PLEKHA1: variants seen among roughly 807,000 people sequenced by gnomAD.
The protein encoded by PLEKHA1 is pleckstrin homology domain containing A1.
Under a neutral mutation model 52.0 loss-of-function variants are expected in PLEKHA1, and 34 were observed. The ratio of observed to expected loss-of-function variants is 0.65; its 90% confidence interval spans 0.50 to 0.87. The LOEUF (loss-of-function observed/expected upper bound fraction) is 0.87. Ranked by LOEUF, PLEKHA1 falls within the 40% of genes least tolerant of loss-of-function variation. The probability of loss-of-function intolerance (pLI) is 0.00; values close to 1 mark genes in which losing one functional copy is unlikely to be tolerated. For missense variants in PLEKHA1, 497 were observed against 504.2 expected (o/e 0.99, Z 0.14); for synonymous variants, 163 against 170.7 (o/e 0.95, Z 0.35).
intron 2 of PLEKHA1, among the ~76,000 whole-genome samples, chr10:122,397,165 A>G (rs2096862105): frequency 6.6e-6 from 1 of 151,814 alleles, no homozygotes. Context: ...TAGTTTGTCC[A>G]TTTTCTCTGC....
intron 1 of PLEKHA1, among the ~76,000 whole-genome samples, chr10:122,390,026 G>A (rs2133932157): frequency 6.6e-6 from 1 of 152,302 alleles, no homozygotes; most frequent in African/African-American, 2.4e-5. Context: ...CCACCTCCTT[G>A]ATGTCAGCTA....
chr10:122,412,195 A>G lies in PLEKHA1; in HGVS notation c.343-725A>G, dbSNP rs2097114998. 3 of 152,210 alleles carry G rather than the reference A, an allele frequency of 2.0e-5. No individual in the cohort carries two copies. In the South Asian group the frequency reaches 6.2e-4, roughly 32 times the overall value. The allele number at this position is 152,210 out of a possible 1,614,324, so 9.4% of individuals were successfully genotyped here. ...TAATGTGAGATTCTGCTGTTACCACAGTCATTGTTTTCCTGTACTTGTGAA... is the reference window on the plus strand; with the variant it reads ...TAATGTGAGATTCTGCTGTTACCACGGTCATTGTTTTCCTGTACTTGTGAA... On this transcript the variant is annotated intron_variant, in intron 5 of 11. Coordinates refer to ENST00000368990, the MANE Select transcript of PLEKHA1 (RefSeq NM_001001974.4).
the PLEKHA1 span, chr10:122,438,590 G>C: frequency 2.0e-5 from 3 of 152,408 alleles, no homozygotes; most frequent in Non-Finnish European, 2.9e-5. Context: ...GGTGTGAAAG[G>C]CATGAGAGAA....
At chr10:122,382,549 G>A (rs2096629533) in intron 1 of PLEKHA1, among the ~76,000 whole-genome samples, 1 of 152,158 alleles carries the variant, frequency 6.6e-6, no homozygotes, top group African/African-American at 2.4e-5. Context: ...TGAATATTCT[G>A]TTTCCTAACA....
At chr10:122,427,123 C>CT in intron 11 of PLEKHA1, 92 bp downstream of exon 11, 1 of 1,223,940 alleles carries the variant, frequency 8.2e-7, no homozygotes, top group East Asian at 2.4e-5. Flanking sequence ...TTCTTTCTTT[C>CT]TTGAGATTTA....
intron 3 of PLEKHA1, among the ~76,000 whole-genome samples, chr10:122,399,608 G>A (rs2096899005): frequency 6.6e-6 from 1 of 151,652 alleles, no homozygotes. Context: ...TTTTTGAGAT[G>A]AAGTCTCACT....
rs752789310 is a variant in PLEKHA1 at position 122,395,421 on chromosome 10, A to G, written c.141+2080A>G. The stretch of plus-strand genomic sequence containing the variant: ...GTGTCACTTTTAAATGTAATAATCA[A>G]GACATACCTACTCTTGAAAACTTTA... On this transcript the variant is annotated intron_variant, in intron 2 of 11. Coordinates refer to ENST00000368990, the MANE Select transcript of PLEKHA1 (RefSeq NM_001001974.4). Among the ~76,000 whole-genome samples the G allele has an allele frequency of 8.5e-4, 129 of 152,278 alleles. 1 individual carries two copies. Among genetic ancestry groups the G allele is most frequent in the South Asian group, 1.5e-3 (7 of 4,818 alleles).
intron 8 of PLEKHA1, chr10:122,420,828 A>C (rs540867540): frequency 6.6e-6 from 1 of 152,192 alleles, no homozygotes; most frequent in Non-Finnish European, 1.5e-5. Flanking sequence ...CAGGACAAGG[A>C]GGCTGTCCTC....
chr10:122,401,491 G>A (rs2096928427), intron 4 of PLEKHA1, among the ~76,000 whole-genome samples: 2 of 131,206 alleles, frequency 1.5e-5, no homozygotes, highest in Admixed American at 1.5e-4. Flanking sequence ...GTGGATATGG[G>A]GGAATTGGAG....
intron 4 of PLEKHA1, among the ~76,000 whole-genome samples, chr10:122,402,041 A>G (rs542986440): frequency 2.0e-5 from 3 of 152,208 alleles, no homozygotes; most frequent in Non-Finnish European, 2.9e-5. Context: ...GAAACAGGAA[A>G]ATGCCTCAGA....
intron 1 of PLEKHA1, chr10:122,387,958 G>T (rs1034449094): frequency 6.6e-6 from 1 of 152,138 alleles, no homozygotes; most frequent in Non-Finnish European, 1.5e-5. Flanking sequence ...TAAATGTATG[G>T]GGCCAGTCAT....
intron 1 of PLEKHA1, among the ~76,000 whole-genome samples, chr10:122,388,519 G>C (rs779761984): frequency 4.6e-5 from 7 of 152,088 alleles, no homozygotes; most frequent in Non-Finnish European, 8.8e-5. Flanking sequence ...AGATACGTGG[G>C]TTCAGTTTCA....
At chr10:122,434,234 A>G (rs2097429956), downstream of PLEKHA1, 1 of 152,204 alleles carries the variant, frequency 6.6e-6, no homozygotes, top group Non-Finnish European at 1.5e-5. Flanking sequence ...ATTTTTATTT[A>G]AAGCTTATTC....
In PLEKHA1 at chr10:122,393,654, GC is replaced by G. The variant is rs2096805653; in HGVS notation, c.141+314del. Among the ~76,000 whole-genome samples the G allele has an allele frequency of 6.6e-6, 1 of 152,110 alleles. No homozygotes were observed. The highest frequency in any genetic ancestry group is 2.1e-4 in the South Asian group (1 of 4,832). On this transcript the variant is annotated intron_variant, in intron 2 of 11. Transcript: ENST00000368990. The surrounding 1 kb of genome is among the most constrained non-coding windows in gnomAD (Gnocchi z 4.5). ...GTCACAGAAAAAAATAACAATTGAA[GC>G]TGTCCCAAAAATAAGAAATACTTTT...
chr10:122,394,250 A>G (rs986891485), intron 2 of PLEKHA1, among the ~76,000 whole-genome samples: 2 of 151,310 alleles, frequency 1.3e-5, no homozygotes, highest in African/African-American at 4.9e-5. Context: ...AATTTTTTGT[A>G]TTTTTAGTAG....
downstream of PLEKHA1, chr10:122,434,311 T>C (rs2097430197): frequency 6.6e-6 from 1 of 152,242 alleles, no homozygotes; most frequent in Non-Finnish European, 1.5e-5. Context: ...AGGCTAACAA[T>C]ACATGGTTCA....
intron 1 of PLEKHA1, chr10:122,387,289 A>C (rs2133856529): frequency 6.6e-6 from 1 of 152,234 alleles, no homozygotes; most frequent in East Asian, 1.9e-4. Context: ...TAAGACTATA[A>C]ATTTTCTTTC....
chr10:122,382,200 G>A (rs1441089815), intron 1 of PLEKHA1, among the ~76,000 whole-genome samples: 1 of 152,062 alleles, frequency 6.6e-6, no homozygotes, highest in Non-Finnish European at 1.5e-5. Context: ...TCACAGTTAC[G>A]TGGACAACAC....
chr10:122,429,721 T>C lies in PLEKHA1; in HGVS notation c.998T>C (p.Leu333Ser). 1 of 1,614,130 alleles carries C rather than the reference T, an allele frequency of 6.2e-7. No homozygotes were observed. Among genetic ancestry groups the C allele is most frequent in the South Asian group, 1.1e-5 (1 of 91,078 alleles). The change falls in exon 12 of 12, where the codon TTG (leucine) becomes TCG (serine). Residue 333 changes from leucine to serine, a missense_variant. Coordinates refer to ENST00000368990, the MANE Select transcript of PLEKHA1 (RefSeq NM_001001974.4). ...SHSTASRSNS[L>S]VSTFTMEKRG... ...TCCACAGCCTCTCGCAGCAACTCTT[T>C]GGTCTCAACCTTTACCATGGAGAAG...
Sources: gnomAD v4.1 joint callset for allele counts (sites outside exome capture counted in the v4.1 genomes callset) on GRCh38, gnomAD v4.1.1 for gene constraint, Gnocchi (gnomAD v3.1) non-coding constraint, MANE v1.5 for transcripts, NCBI Gene and HGNC (gene_info 2026-07-23, HGNC 2026-07-21) for gene names.